The following NRG3 variants were observed in gnomAD, a reference collection of about 807,000 sequenced individuals.
The protein encoded by NRG3 is pro-neuregulin-3, membrane-bound isoform.
In NRG3, 31 loss-of-function variants were observed where a neutral mutation model predicts 66.9. That is an observed-to-expected ratio of 0.46 (90% CI 0.35 to 0.63). The LOEUF is 0.63. Among genes scored for constraint, NRG3 ranks in the 20% least tolerant of loss-of-function variants. The pLI, the probability that NRG3 is intolerant of heterozygous loss-of-function variation, is 0.00. For missense variants in NRG3, 910 were observed against 878.9 expected (o/e 1.04, Z -0.45); for synonymous variants, 393 against 359.4 (o/e 1.09, Z -1.06).
intron 6 of NRG3, among the ~76,000 whole-genome samples, chr10:82,968,665 G>GAGGGAGGGAGGC (rs1564677011): frequency 8.9e-5 from 13 of 146,696 alleles, no homozygotes; most frequent in South Asian, 4.4e-4. Flanking sequence ...GGGAGGCAGG[G>GAGGGAGGGAGGC]AGGGAGGGAG....
chr10:81,910,104 G>A (rs996366992), intron 1 of NRG3, among the ~76,000 whole-genome samples: 4 of 152,014 alleles, frequency 2.6e-5, no homozygotes, highest in Non-Finnish European at 5.9e-5. Flanking sequence ...TCAGCCAGAG[G>A]GTTTTCTCAA....
intron 4 of NRG3, among the ~76,000 whole-genome samples, chr10:82,910,684 T>G (rs1285651392): frequency 6.6e-6 from 1 of 152,250 alleles, no homozygotes; most frequent in Non-Finnish European, 1.5e-5. Flanking sequence ...TAAAAAATAA[T>G]GTTTATGTCA....
At chr10:82,092,558 A>G (rs2066088552) in intron 1 of NRG3, among the ~76,000 whole-genome samples, 1 of 151,946 alleles carries the variant, frequency 6.6e-6, no homozygotes, top group Non-Finnish European at 1.5e-5. Flanking sequence ...ATTTATTTCC[A>G]CAAAGAAGCA....
intron 2 of NRG3, among the ~76,000 whole-genome samples, chr10:82,534,638 C>G (rs1847640247): frequency 1.3e-5 from 2 of 151,980 alleles, no homozygotes; most frequent in African/African-American, 4.8e-5. Flanking sequence ...GAAAAAAGAA[C>G]AAAGCCAGAG....
At chr10:82,840,588 C>G (rs1033320578) in intron 3 of NRG3, among the ~76,000 whole-genome samples, 5 of 152,084 alleles carry the variant, frequency 3.3e-5, no homozygotes, top group Non-Finnish European at 7.4e-5. Context: ...GATAAGTTGA[C>G]AAAGTCAAAG....
At chr10:82,186,605 T>C (rs1383253708) in intron 1 of NRG3, among the ~76,000 whole-genome samples, 1 of 152,182 alleles carries the variant, frequency 6.6e-6, no homozygotes, top group Non-Finnish European at 1.5e-5. Context: ...CAACCCCTCA[T>C]TGTACAGATG....
intron 8 of NRG3, among the ~76,000 whole-genome samples, chr10:82,980,888 T>C (rs1191086725): frequency 2.6e-5 from 4 of 152,236 alleles, no homozygotes; most frequent in Non-Finnish European, 5.9e-5. Context: ...TAATTGATCA[T>C]GTTTCATAGT....
intron 2 of NRG3, among the ~76,000 whole-genome samples, chr10:82,656,801 A>G (rs867726527): frequency 3.3e-5 from 5 of 152,160 alleles, no homozygotes; most frequent in Non-Finnish European, 7.3e-5. Flanking sequence ...ATCATGCCTC[A>G]TATATCTATT....
intron 1 of NRG3, among the ~76,000 whole-genome samples, chr10:82,302,003 G>A (rs1027837964): frequency 1.3e-5 from 2 of 151,188 alleles, no homozygotes; most frequent in African/African-American, 4.8e-5. Context: ...GGCAATATGT[G>A]TAATTTTTCT....
At chr10:82,557,017 C>T (rs969555965) in intron 2 of NRG3, among the ~76,000 whole-genome samples, 1 of 152,146 alleles carries the variant, frequency 6.6e-6, no homozygotes, top group African/African-American at 2.4e-5. Flanking sequence ...ACATGTACCA[C>T]ATTTTCTTTA....
At chr10:82,590,166 C>T (rs1406801951) in intron 2 of NRG3, among the ~76,000 whole-genome samples, 1 of 152,164 alleles carries the variant, frequency 6.6e-6, no homozygotes, top group African/African-American at 2.4e-5. Flanking sequence ...GAAACCCAAC[C>T]TCCAATGGGT....
chr10:82,060,955 C>G (rs1284985247), intron 1 of NRG3, among the ~76,000 whole-genome samples: 1 of 152,226 alleles, frequency 6.6e-6, no homozygotes, highest in Non-Finnish European at 1.5e-5. Flanking sequence ...TCAGGCCTGT[C>G]TGGCTCCCAG....
At chr10:82,429,626 T>G (rs1296539553) in intron 2 of NRG3, among the ~76,000 whole-genome samples, 2 of 152,144 alleles carry the variant, frequency 1.3e-5, no homozygotes, top group Non-Finnish European at 2.9e-5. Context: ...CAAATCAGAG[T>G]TTTTTGAACT....
chr10:82,153,693 G>A (rs534522183), intron 1 of NRG3, among the ~76,000 whole-genome samples: 2 of 152,048 alleles, frequency 1.3e-5, no homozygotes, highest in Admixed American at 6.6e-5. Context: ...GTGTACAAGG[G>A]TTCCCTTTTC....
At position 81,956,742 on chromosome 10, in the gene NRG3, G is replaced by A. The variant is rs540670760; in HGVS notation, c.823+80579G>A. Among the ~76,000 whole-genome samples the A allele has an allele frequency of 3.9e-5, 6 of 152,162 alleles. No homozygotes were observed. The South Asian group carries it at 6.2e-4, about 16-fold the overall frequency. ...GAAGCCAGATTGATTCTTTAGAAAC[G>A]TTCACAAGATCAAGTCCCTATTTTA... On this transcript the variant is annotated intron_variant, in intron 1 of 8. Coordinates refer to ENST00000372141, the MANE Select transcript of NRG3 (RefSeq NM_001010848.4).
chr10:82,110,808 C>T (rs1235339483), intron 1 of NRG3, among the ~76,000 whole-genome samples: 2 of 151,746 alleles, frequency 1.3e-5, no homozygotes, highest in African/African-American at 4.8e-5. Flanking sequence ...GGCCTACAGG[C>T]ATTTGAAATT....
intron 1 of NRG3, among the ~76,000 whole-genome samples, chr10:82,029,325 T>G (rs542707684): frequency 6.6e-6 from 1 of 152,268 alleles, no homozygotes; most frequent in African/African-American, 2.4e-5. Flanking sequence ...TTTGTAAAAA[T>G]AGACATAAAT....
chr10:82,774,223 T>C (rs182591355), intron 3 of NRG3, among the ~76,000 whole-genome samples: 3 of 152,202 alleles, frequency 2.0e-5, no homozygotes, highest in Admixed American at 2.0e-4. Context: ...ATTAGACATA[T>C]TGACTTCCAG....
intron 2 of NRG3, among the ~76,000 whole-genome samples, chr10:82,726,100 C>T (rs1338513026): frequency 6.6e-6 from 1 of 152,098 alleles, no homozygotes; most frequent in Non-Finnish European, 1.5e-5. Context: ...GGAGAGAGCC[C>T]TCATCAAAAC....
Sources: allele counts gnomAD v4.1 joint callset (sites outside exome capture counted in the v4.1 genomes callset), GRCh38; gene constraint gnomAD v4.1.1; transcripts MANE v1.5; gene names NCBI Gene and HGNC (gene_info 2026-07-23, HGNC 2026-07-21).